Variants in HMGN3 observed in about 807,000 individuals in gnomAD.
HMGN3 encodes the protein high mobility group nucleosome-binding domain-containing protein 3.
In HMGN3, 6 loss-of-function variants were observed where a neutral mutation model predicts 18.8. That is an observed-to-expected ratio of 0.32 (90% CI 0.18 to 0.63). The LOEUF is 0.63. Ranked by LOEUF, HMGN3 falls within the 30% of genes least tolerant of loss-of-function variation. The pLI, the probability that HMGN3 is intolerant of heterozygous loss-of-function variation, is 0.79. For synonymous variants in HMGN3, 40 were observed against 36.5 expected, an observed-to-expected ratio of 1.10 and a Z score of -0.35; for missense variants, 107 against 114.2, an observed-to-expected ratio of 0.94 and a Z score of 0.29.
intron 1 of HMGN3, among the ~76,000 whole-genome samples, chr6:79,215,484 T>G (rs926369377): frequency 2.6e-5 from 4 of 152,232 alleles, no homozygotes; most frequent in Non-Finnish European, 2.9e-5. Context: ...TGCCTAGCCT[T>G]GATTTCTAGC....
In HMGN3 at chr6:79,203,636, A is replaced by G. The variant is rs374353892; in HGVS notation, c.97-6T>C. ...GGTTTTGGTGGAGCAGGTTTCTGCA[A>G]AGATAATTTAAATTACACAAATACT... On this transcript the variant is annotated splice_polypyrimidine_tract_variant and splice_region_variant and intron_variant, in intron 3 of 5. Transcript: ENST00000344726. The G allele has an allele frequency of 1.8e-5, 29 of 1,603,276 alleles. No individual in the cohort carries two copies. Among genetic ancestry groups the G allele is most frequent in the Non-Finnish European group, 2.5e-5 (29 of 1,175,256 alleles).
At chr6:79,203,276 GC>G (rs1186563230) in intron 4 of HMGN3, among the ~76,000 whole-genome samples, 1 of 152,122 alleles carries the variant, frequency 6.6e-6, no homozygotes, top group Non-Finnish European at 1.5e-5. Flanking sequence ...TGCTGCCAGG[GC>G]CCAAACTCAT....
At chr6:79,211,693 A>G (rs769869598) in intron 2 of HMGN3, among the ~76,000 whole-genome samples, 4 of 152,126 alleles carry the variant, frequency 2.6e-5, no homozygotes, top group Non-Finnish European at 5.9e-5. Context: ...GTTTGCCACT[A>G]TGGTATATAG....
At chr6:79,233,097 CTT>C (rs983863389) in intron 1 of HMGN3, among the ~76,000 whole-genome samples, 12 of 152,300 alleles carry the variant, frequency 7.9e-5, no homozygotes, top group Admixed American at 7.8e-4. Context: ...GAGAATAAGA[CTT>C]TGGCATCTAT....
chr6:79,206,584 A>C (rs887388702), intron 3 of HMGN3, among the ~76,000 whole-genome samples: 4 of 152,246 alleles, frequency 2.6e-5, no homozygotes, highest in Non-Finnish European at 4.4e-5. Context: ...ATGCCCAGGC[A>C]GACGTTGTTG....
At chr6:79,202,134 C>T in intron 5 of HMGN3, 2 of 1,557,552 alleles carry the variant, frequency 1.3e-6, no homozygotes, top group Non-Finnish European at 1.7e-6. Flanking sequence ...GAGACATTAA[C>T]AGTTGAGCGA....
intron 1 of HMGN3, among the ~76,000 whole-genome samples, chr6:79,227,264 T>C (rs1385162488): frequency 2.0e-5 from 3 of 152,260 alleles, no homozygotes; most frequent in Non-Finnish European, 4.4e-5. Flanking sequence ...TAAACATTTT[T>C]TTTTCCATTA....
At chr6:79,202,558 T>C (rs748284528) in intron 4 of HMGN3, among the ~76,000 whole-genome samples, 169 bp from the exon 5 acceptor site, 2 of 152,238 alleles carry the variant, frequency 1.3e-5, no homozygotes, top group South Asian at 2.1e-4. Flanking sequence ...TGAGTTACAC[T>C]GCACAAATAT....
intron 2 of HMGN3, among the ~76,000 whole-genome samples, chr6:79,211,842 T>C (rs539006038): frequency 1.3e-5 from 2 of 152,144 alleles, no homozygotes; most frequent in African/African-American, 2.4e-5. Context: ...AAAAGCAACA[T>C]AGAAGTCTAA....
At chr6:79,211,011 CAA>C (rs59749044) in intron 2 of HMGN3, among the ~76,000 whole-genome samples, 5,906 of 89,674 alleles carry the variant, frequency 0.066, 147 homozygotes, top group African/African-American at 0.097. Context: ...GAAATTAATG[CAA>C]AAAAAAAAAA....
At chr6:79,220,149 T>TA (rs1457044822) in intron 1 of HMGN3, among the ~76,000 whole-genome samples, 1 of 152,302 alleles carries the variant, frequency 6.6e-6, no homozygotes, top group Non-Finnish European at 1.5e-5. Flanking sequence ...TGGAGGATGA[T>TA]ACAGATACAG....
At chr6:79,233,472 G>T (rs1582458268) in intron 1 of HMGN3, among the ~76,000 whole-genome samples, 1 of 152,152 alleles carries the variant, frequency 6.6e-6, no homozygotes, top group South Asian at 2.1e-4. Flanking sequence ...AAGACATTAG[G>T]TGTAATTTTG....
intron 2 of HMGN3, among the ~76,000 whole-genome samples, chr6:79,213,078 A>C (rs1776782287): frequency 6.6e-6 from 1 of 151,486 alleles, no homozygotes; most frequent in Non-Finnish European, 1.5e-5. Context: ...AAAAATAAAA[A>C]CATAATAAAA....
chr6:79,208,870 C>G (rs1776549998), intron 2 of HMGN3, among the ~76,000 whole-genome samples: 2 of 152,134 alleles, frequency 1.3e-5, no homozygotes, highest in Admixed American at 1.3e-4. Flanking sequence ...GGCTTTATCC[C>G]AAATTAAAAC....
At chr6:79,213,950 A>G (rs995947665) in intron 2 of HMGN3, among the ~76,000 whole-genome samples, 2 of 152,170 alleles carry the variant, frequency 1.3e-5, no homozygotes, top group African/African-American at 4.8e-5. Flanking sequence ...GTGCAAACGG[A>G]ATGGTTGTCA....
At chr6:79,214,014 T>C (rs1046357106) in intron 2 of HMGN3, among the ~76,000 whole-genome samples, 1 of 152,204 alleles carries the variant, frequency 6.6e-6, no homozygotes, top group South Asian at 2.1e-4. Context: ...TAGAGGTTCA[T>C]AATAATAACT....
At chr6:79,202,026 A>G in intron 5 of HMGN3, 37 bp downstream of exon 6, 1 of 1,520,858 alleles carries the variant, frequency 6.6e-7, no homozygotes, top group Non-Finnish European at 8.8e-7. Flanking sequence ...GATTCTAGTC[A>G]CTGCAAACAT....
chr6:79,214,382 TAG>T lies in HMGN3; in HGVS notation c.66+588_66+589del, dbSNP rs1266762651. Among the ~76,000 whole-genome samples, 41 of 152,138 alleles carry T rather than the reference TAG, an allele frequency of 2.7e-4. No individual in the cohort carries two copies. The Middle Eastern group carries it at 0.01, about 38-fold the overall frequency. On this transcript the variant is annotated intron_variant, in intron 2 of 5. Transcript: ENST00000344726. ...ACGCCTGGCTAACTTTTTATATTTT[TAG>T]TAGAGATGGGGTTTCACCGTGTTAG...
chr6:79,216,882 C>T (rs1437970108), intron 1 of HMGN3, among the ~76,000 whole-genome samples: 1 of 152,150 alleles, frequency 6.6e-6, no homozygotes, highest in African/African-American at 2.4e-5. Flanking sequence ...TGTCAGGTCA[C>T]TCAGTAGATT....
Sources: gnomAD v4.1 joint callset for allele counts (sites outside exome capture counted in the v4.1 genomes callset) on GRCh38, gnomAD v4.1.1 for gene constraint, MANE v1.5 for transcripts, NCBI Gene and HGNC (gene_info 2026-07-23, HGNC 2026-07-21) for gene names.